The following SDAD1 variants were observed in gnomAD, a reference collection of about 807,000 sequenced individuals.
SDAD1 encodes the protein SDA1 domain containing 1, also known as protein SDA1 homolog.
A neutral mutation model predicts 100.3 loss-of-function variants in SDAD1; 79 were observed. The observed-to-expected ratio is 0.79, with a 90% CI of 0.66 to 0.95. The LOEUF is 0.95. Ranked by LOEUF, SDAD1 falls within the 40% of genes least tolerant of loss-of-function variation. SDAD1 has a pLI of 0.00. For synonymous variants in SDAD1, 267 were observed against 271.4 expected (o/e 0.98, Z 0.16); for missense variants, 790 against 810.9 (o/e 0.97, Z 0.31).
rs758109460 is a variant in SDAD1 at position 75,957,933 on chromosome 4, C to T, written c.1492G>A (p.Glu498Lys). 3 of 1,612,580 alleles carry T rather than the reference C, an allele frequency of 1.9e-6. No homozygotes were observed. In the East Asian group the frequency reaches 6.7e-5, roughly 36 times the overall value. ...ENAENDEDGW[E>K]STSLSEEEDA... ...TCCTCCTCACTGAGACTGGTACTTT[C>T]CCATCCATCTGCGTGAAAAAAGCAA... Residue 498 changes from glutamate to lysine, a missense_variant, in exon 18 of 22, where the codon GAA becomes AAA. Transcript: ENST00000356260.
At chr4:75,961,538 G>A (rs1187913378) in intron 14 of SDAD1, among the ~76,000 whole-genome samples, 4 of 151,974 alleles carry the variant, frequency 2.6e-5, no homozygotes, top group Admixed American at 1.3e-4. Flanking sequence ...ACAGTGTCCG[G>A]CACACTAAAT....
At chr4:75,974,012 C>G (rs1730012507) in intron 7 of SDAD1, 64 bp downstream of exon 7, 1 of 1,383,302 alleles carries the variant, frequency 7.2e-7, no homozygotes, top group South Asian at 1.2e-5. Context: ...ATGCTTTCTT[C>G]TAACTGCATG....
chr4:75,958,824 G>A (rs1318331711), intron 17 of SDAD1, among the ~76,000 whole-genome samples: 5 of 149,810 alleles, frequency 3.3e-5, no homozygotes, highest in South Asian at 2.1e-4. Flanking sequence ...AAGGCCGGGT[G>A]CAGTGGCTCA....
intron 1 of SDAD1, among the ~76,000 whole-genome samples, chr4:75,984,811 A>ACT (rs1560557995): frequency 3.4e-5 from 5 of 147,114 alleles, no homozygotes; most frequent in South Asian, 2.2e-4. Context: ...ACACACACAC[A>ACT]CTCTTTCTCA....
intron 13 of SDAD1, 21 bp downstream of exon 13, chr4:75,965,743 A>G: frequency 5.0e-6 from 8 of 1,606,322 alleles, no homozygotes; most frequent in Non-Finnish European, 6.8e-6. Flanking sequence ...TAGGTCCAGA[A>G]GTCAGGTTAC....
Position 75,957,422 on chromosome 4 carries a change from A to T in SDAD1, c.1770-13T>A, listed in dbSNP as rs1182147040. ...AAGTAATTCACCCCTGGGGTGAGGG[A>T]AAAATAACACATGAAACAAGAATGG... On this transcript the variant is annotated splice_polypyrimidine_tract_variant and intron_variant, in intron 19 of 21. Transcript: ENST00000356260. 6.2e-7 allele frequency: 1 copy of T among 1,613,426 alleles called. No individual in the cohort carries two copies.
At chr4:75,981,708 A>G (rs1342289022) in intron 2 of SDAD1, among the ~76,000 whole-genome samples, 52 of 152,018 alleles carry the variant, frequency 3.4e-4, no homozygotes, top group Admixed American at 3.3e-3. Flanking sequence ...GAATTTGAAG[A>G]AAAAAAATAG....
intron 11 of SDAD1, among the ~76,000 whole-genome samples, chr4:75,968,459 T>A (rs1243634477): frequency 6.6e-6 from 1 of 152,192 alleles, no homozygotes; most frequent in Non-Finnish European, 1.5e-5. Flanking sequence ...AGGAAAAACC[T>A]TAATGGTCAT....
intron 7 of SDAD1, 95 bp downstream of exon 7, chr4:75,973,981 G>A: frequency 1.0e-6 from 1 of 997,458 alleles, no homozygotes; most frequent in Middle Eastern, 2.1e-4. Context: ...TGGTGTGCAG[G>A]CATGCAGTTT....
intron 1 of SDAD1, among the ~76,000 whole-genome samples, chr4:75,985,107 C>A (rs1730811705): frequency 6.6e-6 from 1 of 152,032 alleles, no homozygotes; most frequent in African/African-American, 2.4e-5. Flanking sequence ...ATTTCTTCCC[C>A]CACCCCACCC....
intron 11 of SDAD1, 126 bp from the exon 12 acceptor site, chr4:75,967,460 A>C: frequency 1.3e-6 from 1 of 771,282 alleles, no homozygotes. Context: ...CTCAGTAAGC[A>C]ATCATGCCCT....
At chr4:75,982,178 C>T (rs371095422) in intron 1 of SDAD1, 141 bp from the exon 2 acceptor site, 1 of 570,562 alleles carries the variant, frequency 1.8e-6, no homozygotes, top group Non-Finnish European at 3.0e-6. Flanking sequence ...AAAAACACTC[C>T]TTTTGCCTTA....
intron 21 of SDAD1, among the ~76,000 whole-genome samples, chr4:75,951,784 T>TA (rs1430185669): frequency 1.5e-4 from 23 of 152,180 alleles, no homozygotes; most frequent in Admixed American, 9.2e-4. Context: ...AAACCAAAAT[T>TA]AAAGTTAACC....
Position 75,977,747 on chromosome 4 carries a change from T to C in SDAD1, c.304A>G (p.Lys102Glu). The C allele has an allele frequency of 1.2e-6, 2 of 1,606,096 alleles. No individual in the cohort carries two copies. The highest frequency in any genetic ancestry group is 1.7e-4 in the Middle Eastern group (1 of 6,044). ...LDPDLRMTFC[K>E]ALILLRNKNL... Reference sequence around the variant, plus strand: ...TTATTTCTCAGCAAGATCAAAGCTTTGCAAAATGTCTCGGGAAGGAAAAAA... The same window carrying C: ...TTATTTCTCAGCAAGATCAAAGCTTCGCAAAATGTCTCGGGAAGGAAAAAA... Residue 102 changes from lysine to glutamate, a missense_variant, in exon 4 of 22, where the codon AAA becomes GAA. Coordinates refer to ENST00000356260, the MANE Select transcript of SDAD1 (RefSeq NM_018115.4).
At chr4:75,979,475 T>C (rs2149327108) in intron 3 of SDAD1, among the ~76,000 whole-genome samples, 1 of 151,720 alleles carries the variant, frequency 6.6e-6, no homozygotes, top group African/African-American at 2.4e-5. Flanking sequence ...CTATTATTAT[T>C]ATTATTTTTT....
chr4:75,973,032 T>C (rs557640493), intron 8 of SDAD1, among the ~76,000 whole-genome samples: 3 of 151,600 alleles, frequency 2.0e-5, no homozygotes, highest in East Asian at 3.9e-4. Context: ...AAAAAAAAAA[T>C]GTTGGTGACA....
chr4:75,990,106 T>C (rs993181502), intron 1 of SDAD1, among the ~76,000 whole-genome samples: 2 of 152,200 alleles, frequency 1.3e-5, no homozygotes, highest in Non-Finnish European at 2.9e-5. Context: ...TGTTCACAAC[T>C]TACATGAGGT....
chr4:75,964,638 C>A (rs1292372414), intron 13 of SDAD1, among the ~76,000 whole-genome samples: 2 of 152,024 alleles, frequency 1.3e-5, no homozygotes, highest in South Asian at 2.1e-4. Context: ...GGGACAGTAA[C>A]CCTTGTGGGA....
At chr4:75,951,932 C>G (rs537214516) in intron 21 of SDAD1, among the ~76,000 whole-genome samples, 2 of 152,264 alleles carry the variant, frequency 1.3e-5, no homozygotes, top group East Asian at 1.9e-4. Flanking sequence ...TAAATTTTAA[C>G]AAGATACACC....
Sources: gnomAD v4.1 joint callset for allele counts (sites outside exome capture counted in the v4.1 genomes callset) on GRCh38, gnomAD v4.1.1 for gene constraint, MANE v1.5 for transcripts, NCBI Gene and HGNC (gene_info 2026-07-23, HGNC 2026-07-21) for gene names.